SND1: variants seen among roughly 807,000 people sequenced by gnomAD.
The protein encoded by SND1 is staphylococcal nuclease domain-containing protein 1.
A neutral mutation model predicts 121.7 loss-of-function variants in SND1; 38 were observed. That is an observed-to-expected ratio of 0.31 (90% CI 0.24 to 0.41). The LOEUF (loss-of-function observed/expected upper bound fraction) is 0.41. SND1 is among the 10% of genes least tolerant of loss of function. The probability of loss-of-function intolerance (pLI) is 1.00; values close to 1 mark genes in which losing one functional copy is unlikely to be tolerated. For synonymous variants in SND1, 401 were observed against 447.4 expected (o/e 0.90, Z 1.31); for missense variants, 868 against 1,184.6 (o/e 0.73, Z 3.92).
intron 12 of SND1, among the ~76,000 whole-genome samples, chr7:127,848,860 TA>T (rs1241157777): frequency 6.6e-6 from 1 of 152,190 alleles, no homozygotes; most frequent in Non-Finnish European, 1.5e-5. Context: ...CCTCTCGATG[TA>T]TGGGAAGGAG....
intron 16 of SND1, among the ~76,000 whole-genome samples, chr7:128,011,420 A>G (rs1446054099): frequency 6.6e-6 from 1 of 152,192 alleles, no homozygotes; most frequent in South Asian, 2.1e-4. Flanking sequence ...ATTCAGTTCT[A>G]TGCCTTGCTG....
intron 10 of SND1, among the ~76,000 whole-genome samples, chr7:127,746,117 G>A (rs1286138442): frequency 1.3e-5 from 2 of 152,210 alleles, no homozygotes; most frequent in South Asian, 2.1e-4. Context: ...GTGTGTCAGT[G>A]TTGTGTGTTG....
chr7:127,867,181 C>A (rs1343396423), intron 12 of SND1, among the ~76,000 whole-genome samples: 1 of 152,134 alleles, frequency 6.6e-6, no homozygotes, highest in Non-Finnish European at 1.5e-5. Context: ...TTGAACCTTC[C>A]CCATCATTCA....
chr7:128,049,573 G>A (rs1407031512), intron 16 of SND1, among the ~76,000 whole-genome samples: 2 of 152,148 alleles, frequency 1.3e-5, no homozygotes, highest in African/African-American at 4.8e-5. Flanking sequence ...GAAGGCTTGA[G>A]GAGCTTCAAG....
At chr7:128,084,510 C>T (rs758703356) in intron 18 of SND1, among the ~76,000 whole-genome samples, 2 of 152,240 alleles carry the variant, frequency 1.3e-5, no homozygotes, top group East Asian at 3.8e-4. Flanking sequence ...AACATGTCAG[C>T]AAGTCACCAG....
At chr7:128,089,451 C>T (rs764822330) in intron 21 of SND1, 38 bp from the exon 22 acceptor site, 9 of 1,571,668 alleles carry the variant, frequency 5.7e-6, no homozygotes, top group Non-Finnish European at 6.9e-6. Context: ...AGTGGTTGTT[C>T]TCTGGCTTGC....
chr7:127,788,167 C>T (rs888394541), intron 10 of SND1, among the ~76,000 whole-genome samples: 2 of 152,168 alleles, frequency 1.3e-5, no homozygotes, highest in Non-Finnish European at 2.9e-5. Context: ...ATCTAGTCAA[C>T]CCTTTCTCTC....
intron 5 of SND1, among the ~76,000 whole-genome samples, 172 bp downstream of exon 5, chr7:127,701,495 T>C (rs2116339221): frequency 7.1e-6 from 1 of 140,354 alleles, no homozygotes; most frequent in South Asian, 2.3e-4. Context: ...GAATTTGGAC[T>C]CAGTTCATGT....
intron 16 of SND1, among the ~76,000 whole-genome samples, chr7:128,018,760 C>T (rs1803283481): frequency 6.6e-6 from 1 of 152,198 alleles, no homozygotes; most frequent in Non-Finnish European, 1.5e-5. Flanking sequence ...CTACTCAAGA[C>T]CTGCTGGCAA....
rs1793675147 is a variant in SND1 at position 128,085,598 on chromosome 7, C to T, written c.2235-113C>T. The T allele has an allele frequency of 4.5e-6, 4 of 884,706 alleles. No individual in the cohort carries two copies. The highest frequency in any genetic ancestry group is 7.4e-6 in the Non-Finnish European group (4 of 541,264). 54.8% of individuals were successfully genotyped at this position (884,706 alleles called of 1,614,324 possible). A position where few individuals can be genotyped will look rare whatever the true frequency, so the allele number is the denominator to read the frequency against. On this transcript the variant is annotated intron_variant, in intron 19 of 23. Coordinates refer to ENST00000354725, the MANE Select transcript of SND1 (RefSeq NM_014390.4). The surrounding 1 kb of genome is among the most constrained non-coding windows in gnomAD (Gnocchi z 4.4). ...AGTGCAGTTACTGTCCCCTGTGACA[C>T]CCGTTGAACCCAGGCAGGGAAATGC...
At chr7:127,868,379 T>G (rs1352101317) in intron 12 of SND1, among the ~76,000 whole-genome samples, 1 of 152,154 alleles carries the variant, frequency 6.6e-6, no homozygotes. Flanking sequence ...AACCAGACAC[T>G]GCCAACAACA....
chr7:127,681,539 C>G (rs1003180519), intron 1 of SND1, among the ~76,000 whole-genome samples: 1 of 152,122 alleles, frequency 6.6e-6, no homozygotes, highest in Non-Finnish European at 1.5e-5. Context: ...TTTTTGGTGT[C>G]ACCTAAGAAA....
intron 11 of SND1, among the ~76,000 whole-genome samples, chr7:127,818,899 A>G (rs766897564): frequency 1.3e-5 from 2 of 152,228 alleles, no homozygotes; most frequent in Non-Finnish European, 1.5e-5. Context: ...AGTTTAGGTG[A>G]CCATGTTTTG....
chr7:127,930,925 T>A (rs1800945765), intron 15 of SND1, among the ~76,000 whole-genome samples: 2 of 152,248 alleles, frequency 1.3e-5, no homozygotes, highest in Non-Finnish European at 2.9e-5. Flanking sequence ...TCCAGCAGCA[T>A]GTGTCTATCA....
intron 1 of SND1, among the ~76,000 whole-genome samples, chr7:127,673,138 TATATG>T (rs1207749759): frequency 6.7e-6 from 1 of 148,244 alleles, no homozygotes; most frequent in African/African-American, 2.5e-5. Flanking sequence ...TATTCTATTA[TATATG>T]ATATATGATA....
intron 11 of SND1, among the ~76,000 whole-genome samples, chr7:127,833,248 T>A (rs573666101): frequency 1.3e-5 from 2 of 149,806 alleles, no homozygotes; most frequent in African/African-American, 4.9e-5. Context: ...CTTGGGAATG[T>A]GATTGAACTG....
intron 20 of SND1, 49 bp from the exon 21 acceptor site, chr7:128,086,889 C>A: frequency 1.4e-6 from 2 of 1,443,772 alleles, no homozygotes; most frequent in Non-Finnish European, 9.7e-7. Flanking sequence ...TGTGAGAGAG[C>A]AAGGGGGCAG....
intron 8 of SND1, 88 bp downstream of exon 8, chr7:127,705,033 G>A: frequency 9.4e-7 from 1 of 1,061,804 alleles, no homozygotes; most frequent in Non-Finnish European, 1.4e-6. Context: ...ACACCCCTGT[G>A]TGTCAGTGTT....
intron 10 of SND1, among the ~76,000 whole-genome samples, chr7:127,739,944 A>G (rs562365511): frequency 6.6e-6 from 1 of 152,332 alleles, no homozygotes; most frequent in East Asian, 1.9e-4. Flanking sequence ...AAGGTTGACT[A>G]GAAGAGAGCC....
Sources: gnomAD v4.1 joint callset for allele counts (sites outside exome capture counted in the v4.1 genomes callset) on GRCh38, gnomAD v4.1.1 for gene constraint, Gnocchi (gnomAD v3.1) non-coding constraint, MANE v1.5 for transcripts, NCBI Gene and HGNC (gene_info 2026-07-23, HGNC 2026-07-21) for gene names.